The following SOD1 variants were observed in gnomAD, a reference collection of about 807,000 sequenced individuals.
SOD1 encodes superoxide dismutase 1.
Under a neutral mutation model 15.9 loss-of-function variants are expected in SOD1, and 8 were observed. The observed-to-expected ratio is 0.50, with a 90% CI of 0.30 to 0.91. The LOEUF (loss-of-function observed/expected upper bound fraction) is 0.91. Among genes scored for constraint, SOD1 ranks in the 40% least tolerant of loss-of-function variants. The pLI, the probability that SOD1 is intolerant of heterozygous loss-of-function variation, is 0.07. For synonymous variants in SOD1, 86 were observed against 71.2 expected, an observed-to-expected ratio of 1.21 and a Z score of -1.04; for missense variants, 137 against 194.5, an observed-to-expected ratio of 0.70 and a Z score of 1.76.
In SOD1 at chr21:31,668,698, CAG is replaced by C. The variant is rs1347412851; in HGVS notation, c.*123_*124del. ...TAAAAGTGTAATTGTGTGACTTTTT[CAG>C]AGTTGCTTTAAAGTACCTGTAGTGA... On this transcript the variant is annotated 3_prime_UTR_variant, in exon 5 of 5. Coordinates refer to ENST00000270142, the MANE Select transcript of SOD1 (RefSeq NM_000454.5). The C allele has an allele frequency of 5.0e-6, 4 of 807,500 alleles. No individual in the cohort carries two copies. The African/African-American group carries it at 6.8e-5, about 14-fold the overall frequency. The allele number at this position is 807,500 out of a possible 1,614,324, so 50.0% of individuals were successfully genotyped here. A position where few individuals can be genotyped will look rare whatever the true frequency, so the allele number is the denominator to read the frequency against.
chr21:31,660,219 C>G (rs1001545830), intron 1 of SOD1: 3 of 152,784 alleles, frequency 2.0e-5, no homozygotes, highest in African/African-American at 7.2e-5. Context: ...CTTGCTTGGC[C>G]GTGTTCTCGT....
At chr21:31,666,817 C>T in intron 3 of SOD1, 1 of 443,858 alleles carries the variant, frequency 2.3e-6, no homozygotes, top group Non-Finnish European at 4.1e-6. Flanking sequence ...TACTGTCAAC[C>T]ACTAGCAAAA....
Position 31,666,442 on chromosome 21 carries a change from T to C in SOD1, c.170-7T>C, listed in dbSNP as rs755858208. The C allele has an allele frequency of 1.9e-6, 3 of 1,604,838 alleles. No homozygotes were observed. The South Asian group carries it at 3.3e-5, about 18-fold the overall frequency. On this transcript the variant is annotated splice_region_variant and splice_polypyrimidine_tract_variant and intron_variant, in intron 2 of 4. Transcript: ENST00000270142. ...ATTTAGCTTTTTTTTCTTCTTCTTA[T>C]AAATAGGCTGTACCAGTGCAGGTCC...
chr21:31,668,174 T>C (rs2049614185), intron 4 of SOD1, among the ~76,000 whole-genome samples: 1 of 152,190 alleles, frequency 6.6e-6, no homozygotes, highest in African/African-American at 2.4e-5. Flanking sequence ...TTACTGTAAC[T>C]TACCATGGAG....
chr21:31,667,362 G>A lies in SOD1; in HGVS notation c.344G>A (p.Gly115Asp). The A allele has an allele frequency of 6.2e-7, 1 of 1,610,380 alleles. No homozygotes were observed. Among genetic ancestry groups the A allele is most frequent in the Non-Finnish European group, 8.5e-7 (1 of 1,176,558 alleles). Residue 115 changes from glycine to aspartate, a missense_variant, in exon 4 of 5, where the codon GGC becomes GAC. Physicochemically the swap from Gly to Asp is moderately conservative, Grantham distance 94. Coordinates refer to ENST00000270142, the MANE Select transcript of SOD1 (RefSeq NM_000454.5). ...CTCTCAGGAGACCATTGCATCATTG[G>A]CCGCACACTGGTGGTAAGTTTTCAT... is the stretch of plus-strand genomic sequence containing the variant. ...ISLSGDHCII[G>D]RTLVVHEKAD...
At chr21:31,661,121 G>A (rs2049545152) in intron 1 of SOD1, among the ~76,000 whole-genome samples, 1 of 152,092 alleles carries the variant, frequency 6.6e-6, no homozygotes, top group South Asian at 2.1e-4. Context: ...AATCATGAGG[G>A]AATATTTACT....
At position 31,666,579 on chromosome 21, in the gene SOD1, C is replaced by G. The variant is rs2049595439; in HGVS notation, c.239+61C>G. ...AGCTTTCTGGAGTTCATATGGTATACTACTTGTAAATATGTGCTAAGATAA... is the reference window on the plus strand; with the variant it reads ...AGCTTTCTGGAGTTCATATGGTATAGTACTTGTAAATATGTGCTAAGATAA... On this transcript the variant is annotated intron_variant, in intron 3 of 4. Transcript: ENST00000270142. The G allele has an allele frequency of 3.3e-6, 4 of 1,205,012 alleles. No homozygotes were observed. In the Admixed American group the frequency reaches 5.2e-5, roughly 16 times the overall value. The allele number at this position is 1,205,012 out of a possible 1,614,324, so 74.6% of individuals were successfully genotyped here. A position where few individuals can be genotyped will look rare whatever the true frequency, so the allele number is the denominator to read the frequency against.
At chr21:31,660,719 C>T (rs867524540) in intron 1 of SOD1, 1 of 152,190 alleles carries the variant, frequency 6.6e-6, no homozygotes, top group South Asian at 2.1e-4. Context: ...GTGAGTATTG[C>T]TGTTTTTTGA....
intron 1 of SOD1, among the ~76,000 whole-genome samples, chr21:31,662,787 G>T (rs1352208070): frequency 1.3e-5 from 2 of 152,150 alleles, no homozygotes; most frequent in African/African-American, 2.4e-5. Flanking sequence ...GGCCGAGACG[G>T]GTGGATCACG....
At position 31,663,794 on chromosome 21, in the gene SOD1, G is replaced by A. The variant is rs747214897; in HGVS notation, c.77G>A (p.Ser26Asn). Residue 26 changes from serine to asparagine, a missense_variant, in exon 2 of 5, where the codon AGT (serine) becomes AAT (asparagine). Coordinates refer to ENST00000270142, the MANE Select transcript of SOD1 (RefSeq NM_000454.5). ...AACTTTGCACTTTTCTTAAAGGAAA[G>A]TAATGGACCAGTGAAGGTGTGGGGA... ...QGIINFEQKE[S>N]NGPVKVWGSI... is the part of the protein sequence containing the mutation. 6.2e-7 allele frequency: 1 copy of A among 1,610,616 alleles called. No individual in the cohort carries two copies.
intron 2 of SOD1, among the ~76,000 whole-genome samples, chr21:31,664,818 C>G (rs2049579990): frequency 6.6e-6 from 1 of 152,098 alleles, no homozygotes; most frequent in African/African-American, 2.4e-5. Flanking sequence ...CGGGGTTTCA[C>G]TGTGTTAGCC....
At chr21:31,661,220 G>A (rs925946018) in intron 1 of SOD1, among the ~76,000 whole-genome samples, 2 of 152,252 alleles carry the variant, frequency 1.3e-5, no homozygotes, top group African/African-American at 4.8e-5. Flanking sequence ...AAATATATGT[G>A]AGGGAGATAA....
In SOD1 at chr21:31,665,041, A is replaced by G. The variant is rs2089752357; in HGVS notation, c.169+1155A>G. 2.0e-5 allele frequency among the ~76,000 whole-genome samples: 3 copies of G among 151,934 alleles called. No homozygotes were observed. In the South Asian group the frequency reaches 6.2e-4, roughly 32 times the overall value. On this transcript the variant is annotated intron_variant, in intron 2 of 4. Coordinates refer to ENST00000270142, the MANE Select transcript of SOD1 (RefSeq NM_000454.5). ...TGCCTCGAGCAAAGGGGCTGCATTT[A>G]TTTGCATAATGCCATGTAAGAGTAG...
In SOD1 at chr21:31,659,826, C is replaced by G. The variant is rs1182088847; in HGVS notation, c.57C>G (p.Ile19Met). The G allele has an allele frequency of 1.2e-6, 2 of 1,613,648 alleles. No homozygotes were observed. The highest frequency in any genetic ancestry group is 1.1e-5 in the South Asian group (1 of 91,082). The change falls in exon 1 of 5, where the codon ATC (isoleucine) becomes ATG (methionine). Residue 19 changes from isoleucine to methionine, a missense_variant. By Grantham distance (10) the Ile-to-Met change is conservative. Transcript: ENST00000270142. Reference sequence around the variant, plus strand: ...GCGACGGCCCAGTGCAGGGCATCATCAATTTCGAGCAGAAGGCAAGGGCTG... The same window carrying G: ...GCGACGGCCCAGTGCAGGGCATCATGAATTTCGAGCAGAAGGCAAGGGCTG... ...LKGDGPVQGI[I>M]NFEQKESNGP...
Position 31,663,864 on chromosome 21 carries a change from T to C in SOD1, c.147T>C (p.His49=). Residue 49 remains histidine, a synonymous_variant, in exon 2 of 5, where the codon CAT becomes CAC. Coordinates refer to ENST00000270142, the MANE Select transcript of SOD1 (RefSeq NM_000454.5). ...LTEGLHGFHV[H]EFGDNTAGCT... is the part of the protein sequence containing the mutation. Reference sequence around the variant, plus strand: ...AAGGCCTGCATGGATTCCATGTTCATGAGTTTGGAGATAATACAGCAGGTG... The same window carrying C: ...AAGGCCTGCATGGATTCCATGTTCACGAGTTTGGAGATAATACAGCAGGTG... 1 of 1,613,294 alleles carries C rather than the reference T, an allele frequency of 6.2e-7. No individual in the cohort carries two copies. The highest frequency in any genetic ancestry group is 8.5e-7 in the Non-Finnish European group (1 of 1,179,298).
chr21:31,664,918 A>AAG (rs2049580823), intron 2 of SOD1, among the ~76,000 whole-genome samples: 1 of 152,138 alleles, frequency 6.6e-6, no homozygotes, highest in Non-Finnish European at 1.5e-5. Context: ...ACCCAGCCAG[A>AAG]AGAGGGTGTT....
Position 31,667,309 on chromosome 21 carries a change from T to A in SOD1, c.291T>A (p.Asp97Glu), listed in dbSNP as rs111229903. The A allele has an allele frequency of 1.2e-6, 2 of 1,614,200 alleles. No individual in the cohort carries two copies. The highest frequency in any genetic ancestry group is 2.7e-5 in the African/African-American group (2 of 75,060). Residue 97 changes from aspartate to glutamate, a missense_variant, in exon 4 of 5, where the codon GAT (aspartate) becomes GAA (glutamate). Physicochemically the swap from Asp to Glu is conservative, Grantham distance 45 (BLOSUM62 2). Coordinates refer to ENST00000270142, the MANE Select transcript of SOD1 (RefSeq NM_000454.5). ...NVTADKDGVA[D>E]VSIEDSVISL... Reference sequence around the variant, plus strand: ...CTGCTGACAAAGATGGTGTGGCCGATGTGTCTATTGAAGATTCTGTGATCT... The same window carrying A: ...CTGCTGACAAAGATGGTGTGGCCGAAGTGTCTATTGAAGATTCTGTGATCT...
In SOD1 at chr21:31,668,822, A is replaced by G. The variant is rs1426742322; in HGVS notation, c.*244A>G. On this transcript the variant is annotated 3_prime_UTR_variant, in exon 5 of 5. Transcript: ENST00000270142. Reference sequence around the variant, plus strand: ...ACCTGTATTTTGCCAGACTTAAATCACAGATGGGTATTAAACTTGTCAGAA... The same window carrying G: ...ACCTGTATTTTGCCAGACTTAAATCGCAGATGGGTATTAAACTTGTCAGAA... 6.2e-6 allele frequency: 3 copies of G among 481,080 alleles called. No homozygotes were observed. Among genetic ancestry groups the G allele is most frequent in the Non-Finnish European group, 1.1e-5 (3 of 264,344 alleles). The allele number at this position is 481,080 out of a possible 1,614,324, so 29.8% of individuals were successfully genotyped here. A position where few individuals can be genotyped will look rare whatever the true frequency, so the allele number is the denominator to read the frequency against.
At chr21:31,664,101 A>C (rs927877054) in intron 2 of SOD1, among the ~76,000 whole-genome samples, 1 of 152,116 alleles carries the variant, frequency 6.6e-6, no homozygotes, top group Non-Finnish European at 1.5e-5. Flanking sequence ...CTTGGCCCGT[A>C]GCTGGGACTA....
Sources: gnomAD v4.1 joint callset for allele counts (sites outside exome capture counted in the v4.1 genomes callset) on GRCh38, gnomAD v4.1.1 for gene constraint, MANE v1.5 for transcripts, NCBI Gene and HGNC (gene_info 2026-07-23, HGNC 2026-07-21) for gene names.